The following SLC17A4 variants were observed in gnomAD, a reference collection of about 807,000 sequenced individuals.
SLC17A4 encodes the protein probable small intestine urate exporter.
SLC17A4 carries 33 observed loss-of-function variants against 52.5 expected under a neutral mutation model. The observed-to-expected ratio is 0.63, with a 90% CI of 0.48 to 0.84. The LOEUF (loss-of-function observed/expected upper bound fraction) is 0.84, where lower values mean the gene tolerates loss of function less well. Among genes scored for constraint, SLC17A4 ranks in the 40% least tolerant of loss-of-function variants. The probability of loss-of-function intolerance (pLI) is 0.00; values close to 1 mark genes in which losing one functional copy is unlikely to be tolerated. For missense variants in SLC17A4, 585 were observed against 597.1 expected (o/e 0.98, Z 0.21); for synonymous variants, 225 against 216.2 (o/e 1.04, Z -0.36).
At chr6:25,763,829 C>A (rs1343089086) in intron 2 of SLC17A4, among the ~76,000 whole-genome samples, 2 of 152,210 alleles carry the variant, frequency 1.3e-5, no homozygotes, top group African/African-American at 4.8e-5. Flanking sequence ...TCACTTTGAC[C>A]TTCTGATCCC....
At chr6:25,770,039 A>G in intron 3 of SLC17A4, 28 bp from the exon 4 acceptor site, 2 of 1,601,796 alleles carry the variant, frequency 1.2e-6, no homozygotes, top group East Asian at 4.5e-5. Flanking sequence ...TCAACTAAAG[A>G]CAAACAGTAA....
intron 10 of SLC17A4, 38 bp downstream of exon 10, chr6:25,776,997 A>G (rs1172595998): frequency 1.9e-6 from 3 of 1,569,152 alleles, no homozygotes; most frequent in South Asian, 1.2e-5. Context: ...CAGACACTCA[A>G]TTCAAGTCTA....
intron 3 of SLC17A4, among the ~76,000 whole-genome samples, 166 bp from the exon 4 acceptor site, chr6:25,769,901 G>C (rs1762337611): frequency 6.6e-6 from 1 of 151,966 alleles, no homozygotes. Flanking sequence ...AGAGTATATT[G>C]GGCATATATT....
intron 10 of SLC17A4, chr6:25,777,608 A>AC (rs1451355834): frequency 2.8e-5 from 6 of 212,946 alleles, no homozygotes; most frequent in South Asian, 1.5e-4. Flanking sequence ...AACAACAACA[A>AC]AAACCTTACA....
chr6:25,775,089 G>C (rs1346810859), intron 8 of SLC17A4, among the ~76,000 whole-genome samples: 1 of 152,124 alleles, frequency 6.6e-6, no homozygotes, highest in Non-Finnish European at 1.5e-5. Flanking sequence ...CAACACTTTG[G>C]GAGGATGAGG....
chr6:25,774,611 C>T (rs990443230), intron 8 of SLC17A4, among the ~76,000 whole-genome samples: 1 of 152,160 alleles, frequency 6.6e-6, no homozygotes, highest in Non-Finnish European at 1.5e-5. Flanking sequence ...ATTGGGACAC[C>T]ACATAAGCAG....
chr6:25,777,704 C>A (rs1232504426), intron 10 of SLC17A4: 1 of 448,372 alleles, frequency 2.2e-6, no homozygotes, highest in African/African-American at 2.0e-5. Flanking sequence ...AGTACCAGTC[C>A]CTAGCACAGG....
intron 8 of SLC17A4, among the ~76,000 whole-genome samples, chr6:25,774,462 T>C (rs1392892323): frequency 6.6e-6 from 1 of 152,178 alleles, no homozygotes; most frequent in African/African-American, 2.4e-5. Flanking sequence ...AACAGAGAGC[T>C]GACCTTCTTA....
chr6:25,773,966 C>T (rs974827813), intron 8 of SLC17A4, among the ~76,000 whole-genome samples: 3 of 151,970 alleles, frequency 2.0e-5, no homozygotes, highest in Non-Finnish European at 2.9e-5. Flanking sequence ...TTTAAGGGCC[C>T]TGTGCAAAAA....
chr6:25,778,940 G>A, intron 11 of SLC17A4, 114 bp from the exon 12 acceptor site: 1 of 1,375,866 alleles, frequency 7.3e-7, no homozygotes, highest in South Asian at 1.3e-5. Context: ...GAAGCCCATG[G>A]AAGCCAGAGT....
At chr6:25,756,095 C>A (rs1180108240) in intron 1 of SLC17A4, among the ~76,000 whole-genome samples, 4 of 152,154 alleles carry the variant, frequency 2.6e-5, no homozygotes, top group Non-Finnish European at 5.9e-5. Flanking sequence ...TCCTTTACAG[C>A]CCATGTGCCA....
chr6:25,759,301 A>C (rs1761318781), intron 1 of SLC17A4, among the ~76,000 whole-genome samples: 1 of 152,086 alleles, frequency 6.6e-6, no homozygotes, highest in South Asian at 2.1e-4. Context: ...TTCTGTAAAT[A>C]TCTGTTAAGT....
rs1379250081 is a variant in SLC17A4 at position 25,779,209 on chromosome 6, G to A, written c.*21G>A. 1 of 1,612,276 alleles carries A rather than the reference G, an allele frequency of 6.2e-7. No homozygotes were observed. The highest frequency in any genetic ancestry group is 1.7e-5 in the Admixed American group (1 of 59,778). On this transcript the variant is annotated 3_prime_UTR_variant, in exon 12 of 12. Coordinates refer to ENST00000377905, the MANE Select transcript of SLC17A4 (RefSeq NM_005495.3). The stretch of plus-strand genomic sequence containing the variant: ...TCTGAGCAAACCGAGAGATGTGCTA[G>A]ATCCTGGTGCTTAGTTCATCATTGT...
chr6:25,773,744 C>T (rs2151451498), intron 8 of SLC17A4, 70 bp downstream of exon 8: 1 of 1,520,780 alleles, frequency 6.6e-7, no homozygotes, highest in Non-Finnish European at 8.9e-7. Flanking sequence ...ATATATAATC[C>T]TCTGTCTGTC....
intron 2 of SLC17A4, among the ~76,000 whole-genome samples, chr6:25,763,049 G>C (rs1237558654): frequency 6.6e-6 from 1 of 152,144 alleles, no homozygotes; most frequent in Non-Finnish European, 1.5e-5. Flanking sequence ...TGCCATTTAT[G>C]AGCTCATTAT....
At chr6:25,773,857 T>A (rs1762681023) in intron 8 of SLC17A4, among the ~76,000 whole-genome samples, 183 bp downstream of exon 8, 1 of 152,204 alleles carries the variant, frequency 6.6e-6, no homozygotes, top group Non-Finnish European at 1.5e-5. Flanking sequence ...GGTTCACTAC[T>A]TACTGCAGGA....
chr6:25,760,323 C>T (rs1317403239), intron 1 of SLC17A4, among the ~76,000 whole-genome samples: 1 of 152,080 alleles, frequency 6.6e-6, no homozygotes. Flanking sequence ...AAATGCTACT[C>T]CATATCTGAT....
At position 25,768,999 on chromosome 6, in the gene SLC17A4, C is replaced by A; in HGVS notation, c.106C>A (p.Arg36=). The A allele has an allele frequency of 3.7e-6, 6 of 1,613,874 alleles. No homozygotes were observed. The highest frequency in any genetic ancestry group is 5.1e-6 in the Non-Finnish European group (6 of 1,179,932). The change falls in exon 3 of 12, where the codon CGA becomes AGA. Residue 36 remains arginine (R), a synonymous_variant. Transcript: ENST00000377905. Reference sequence around the variant, plus strand: ...TTTCCTCTCAGGTTTTTGTTCAGTCCGACATGGGCTGGCCCTCATCTTGCA... The same window carrying A: ...TTTCCTCTCAGGTTTTTGTTCAGTCAGACATGGGCTGGCCCTCATCTTGCA... ...ECSRKGFCSV[R]HGLALILQLC... is the part of the protein sequence containing the mutation.
intron 1 of SLC17A4, among the ~76,000 whole-genome samples, chr6:25,758,663 T>A (rs1761235792): frequency 6.6e-6 from 1 of 152,248 alleles, no homozygotes; most frequent in South Asian, 2.1e-4. Flanking sequence ...AAATTGAGCT[T>A]ATTTGGATCT....
Sources: gnomAD v4.1 joint callset for allele counts (sites outside exome capture counted in the v4.1 genomes callset) on GRCh38, gnomAD v4.1.1 for gene constraint, MANE v1.5 for transcripts, NCBI Gene and HGNC (gene_info 2026-07-23, HGNC 2026-07-21) for gene names.